The following PARVB variants were observed in gnomAD, a reference collection of about 807,000 sequenced individuals.
PARVB encodes the protein beta-parvin.
PARVB carries 46 observed loss-of-function variants against 47.0 expected under a neutral mutation model. The ratio of observed to expected loss-of-function variants is 0.98; its 90% CI spans 0.77 to 1.25. The LOEUF is 1.25. PARVB is among the 50% of genes most tolerant of loss of function. The probability of loss-of-function intolerance (pLI) is 0.00; values close to 1 mark genes in which losing one functional copy is unlikely to be tolerated. For missense variants in PARVB, 473 were observed against 471.6 expected (o/e 1.00, Z -0.03); for synonymous variants, 196 against 196.3 (o/e 1.00, Z 0.01).
chr22:44,011,257 G>A (rs770151780), intron 2 of PARVB, among the ~76,000 whole-genome samples: 7 of 152,088 alleles, frequency 4.6e-5, no homozygotes, highest in Non-Finnish European at 8.8e-5. Flanking sequence ...GAAGGTGGGA[G>A]CTGCACGCAC....
At chr22:44,107,068 C>T (rs554368740) in intron 3 of PARVB, 1 of 152,294 alleles carries the variant, frequency 6.6e-6, no homozygotes, top group African/African-American at 2.4e-5. Context: ...AGTGTAAGGG[C>T]AGTGTGGGAA....
In PARVB at chr22:44,047,073, G is replaced by A. The variant is rs562858312; in HGVS notation, c.112+22622G>A. On this transcript the variant is annotated intron_variant, in intron 1 of 12. Transcript: ENST00000338758. ...TGGAGCCACCAGGCCTATCCATGGA[G>A]GAGCAGAGCTTCACATGGAGCCTGT... 3.9e-5 allele frequency among the ~76,000 whole-genome samples: 6 copies of A among 152,294 alleles called. No homozygotes were observed. In the South Asian group the frequency reaches 1.2e-3, roughly 32 times the overall value.
chr22:44,155,973 A>G lies in PARVB; in HGVS notation c.844-2009A>G, dbSNP rs186907670. On this transcript the variant is annotated intron_variant, in intron 10 of 12. Transcript: ENST00000338758. The surrounding 1 kb of genome is among the most constrained non-coding windows in gnomAD (Gnocchi z 4.8). ...CAAGACCAGCCTGACCAACATGGTGAAACCCCATCTCTACTAAAAATACAA... is the reference window on the plus strand; with the variant it reads ...CAAGACCAGCCTGACCAACATGGTGGAACCCCATCTCTACTAAAAATACAA... 2.6e-5 allele frequency among the ~76,000 whole-genome samples: 4 copies of G among 152,128 alleles called. No homozygotes were observed. The highest frequency in any genetic ancestry group is 4.8e-5 in the African/African-American group (2 of 41,422).
intron 1 of PARVB, among the ~76,000 whole-genome samples, chr22:44,029,951 G>A (rs999376525): frequency 6.6e-6 from 1 of 152,030 alleles, no homozygotes; most frequent in Non-Finnish European, 1.5e-5. Flanking sequence ...AGGTAGCTGC[G>A]ACATTGAACT....
intron 4 of PARVB, among the ~76,000 whole-genome samples, chr22:44,121,385 C>A (rs5764543): frequency 0.34 from 52,002 of 151,932 alleles, 9,054 homozygotes; most frequent in Middle Eastern, 0.52. Context: ...ATGCGCTCCC[C>A]ATGATTTTAT....
Position 44,073,858 on chromosome 22 carries a change from A to T in PARVB, c.113-20070A>T, listed in dbSNP as rs192373868. 1.0e-3 allele frequency among the ~76,000 whole-genome samples: 157 copies of T among 152,302 alleles called. 1 individual carries two copies. Among genetic ancestry groups the T allele is most frequent in the Admixed American group, 2.2e-3 (33 of 15,306 alleles). On this transcript the variant is annotated intron_variant, in intron 1 of 12. Coordinates refer to ENST00000338758, the MANE Select transcript of PARVB (RefSeq NM_013327.5). ...TCGGCAGCTGGCCTGCACACAGGAG[A>T]TCCTCAAAACAGATGAGCGAGCATG...
chr22:44,041,555 A>G (rs1405005861), intron 1 of PARVB, among the ~76,000 whole-genome samples: 1 of 152,032 alleles, frequency 6.6e-6, no homozygotes. Flanking sequence ...TAATAATGAA[A>G]TACTGGGGGG....
intron 1 of PARVB, among the ~76,000 whole-genome samples, chr22:44,024,654 G>T (rs1344675846): frequency 3.9e-5 from 6 of 152,158 alleles, no homozygotes. Context: ...GGCCGCGGTG[G>T]CCTCCGGAGT....
chr22:44,025,182 G>A (rs2146878869), intron 1 of PARVB, among the ~76,000 whole-genome samples: 1 of 152,110 alleles, frequency 6.6e-6, no homozygotes, highest in South Asian at 2.1e-4. Context: ...TTGGTGAGAG[G>A]TGAGGGGAGC....
intron 3 of PARVB, chr22:44,109,974 G>C (rs1026435887): frequency 6.6e-6 from 1 of 150,686 alleles, no homozygotes; most frequent in Non-Finnish European, 1.5e-5. Context: ...TTAGCCGGGC[G>C]TAGTGGCGGG....
intron 9 of PARVB, chr22:44,151,029 CAAAAAAA>C (rs35913551): frequency 5.0e-4 from 26 of 51,700 alleles, no homozygotes; most frequent in Admixed American, 1.3e-3. Context: ...GAGACTGTCT[CAAAAAAA>C]AAAAAAAAAA....
chr22:44,053,883 A>C (rs1214512779), intron 1 of PARVB, among the ~76,000 whole-genome samples: 1 of 150,456 alleles, frequency 6.6e-6, no homozygotes, highest in Non-Finnish European at 1.5e-5. Context: ...CAGAGCTTCC[A>C]TGCCCTCTCT....
Position 44,172,722 on chromosome 22 carries a change from G to T in PARVB, c.*4044G>T. 1 of 295,640 alleles carries T rather than the reference G, an allele frequency of 3.4e-6. No individual in the cohort carries two copies. Among genetic ancestry groups the T allele is most frequent in the South Asian group, 2.7e-5 (1 of 37,102 alleles). 18.3% of individuals were successfully genotyped at this position (295,640 alleles called of 1,614,324 possible). On this transcript the variant is annotated 3_prime_UTR_variant, in exon 13 of 13. Transcript: ENST00000338758. ...TTTACTGTCTTCTTAATTGTTTTAA[G>T]CAATGTTTACTTTGGATTTCTGGAT...
chr22:44,165,048 A>G (rs998411763), intron 12 of PARVB, among the ~76,000 whole-genome samples: 20 of 152,152 alleles, frequency 1.3e-4, no homozygotes, highest in African/African-American at 4.8e-4. Context: ...GCTGGAGTGC[A>G]GTGGTATGAT....
intron 1 of PARVB, among the ~76,000 whole-genome samples, chr22:44,075,510 G>A (rs1349634439): frequency 6.6e-6 from 1 of 152,160 alleles, no homozygotes; most frequent in Non-Finnish European, 1.5e-5. Context: ...TCCATGAGGG[G>A]CCCCTCTTGG....
chr22:44,040,688 A>C (rs979884125), intron 1 of PARVB, among the ~76,000 whole-genome samples: 1 of 152,204 alleles, frequency 6.6e-6, no homozygotes, highest in African/African-American at 2.4e-5. Flanking sequence ...CCCATTTTGG[A>C]GTCCTGGCAT....
At chr22:44,108,059 A>C (rs1422868056) in intron 3 of PARVB, 1 of 152,144 alleles carries the variant, frequency 6.6e-6, no homozygotes, top group Non-Finnish European at 1.5e-5. Flanking sequence ...ATTTTAGTAG[A>C]GATGGGGTTT....
At chr22:44,164,727 C>T (rs1417415903) in intron 12 of PARVB, among the ~76,000 whole-genome samples, 1 of 152,186 alleles carries the variant, frequency 6.6e-6, no homozygotes, top group African/African-American at 2.4e-5. Context: ...AGCCCTGCTC[C>T]CTCTCCTGAG....
In PARVB at chr22:44,089,088, C is replaced by T. The variant is rs932206348; in HGVS notation, c.113-4840C>T. Among the ~76,000 whole-genome samples the T allele has an allele frequency of 8.5e-5, 13 of 152,114 alleles. No individual in the cohort carries two copies. The highest frequency in any genetic ancestry group is 2.1e-4 in the South Asian group (1 of 4,818). On this transcript the variant is annotated intron_variant, in intron 1 of 12. Transcript: ENST00000338758. This position sits in a 1 kb window ranked among gnomAD's most constrained non-coding sequence, Gnocchi z 4.0. ...CATCCCGGGCTGAGCGAGGAGTGCC[C>T]GTCTCCAGAGACAGTGTGCCAAGGG...
Sources: allele counts gnomAD v4.1 joint callset (sites outside exome capture counted in the v4.1 genomes callset), GRCh38; gene constraint gnomAD v4.1.1; non-coding constraint Gnocchi (gnomAD v3.1); transcripts MANE v1.5; gene names NCBI Gene and HGNC (gene_info 2026-07-23, HGNC 2026-07-21).